GRIN2A: variants seen among roughly 807,000 people sequenced by gnomAD.
GRIN2A encodes glutamate ionotropic receptor NMDA type subunit 2A.
In GRIN2A, 22 loss-of-function variants were observed where a neutral mutation model predicts 113.4. That is an observed-to-expected ratio of 0.19 (90% confidence interval 0.14 to 0.28). The LOEUF (loss-of-function observed/expected upper bound fraction) is 0.28. Ranked by LOEUF, GRIN2A falls within the 10% of genes least tolerant of loss-of-function variation. The pLI is 1.00. For synonymous variants in GRIN2A, 827 were observed against 738.4 expected, an observed-to-expected ratio of 1.12 and a Z score of -1.94; for missense variants, 1,502 against 1,887.0, an observed-to-expected ratio of 0.80 and a Z score of 3.78.
Position 10,111,623 on chromosome 16 carries a change from C to T in GRIN2A, c.414+68375G>A, listed in dbSNP as rs149710311. The T allele has an allele frequency of 6.4e-4, 902 of 1,400,758 alleles. 6 individuals carry two copies. In the African/African-American group the frequency reaches 0.011, roughly 17 times the overall value. The allele number at this position is 1,400,758 out of a possible 1,614,324, so 86.8% of individuals were successfully genotyped here. ...GAGACAGAGGCCGACATGGCCATCG[C>T]GATGGCTCTGATGGGAGGTATTGGT... On this transcript the variant is annotated intron_variant, in intron 2 of 12. Transcript: ENST00000330684.
At chr16:10,125,818 T>C (rs145599758) in intron 2 of GRIN2A, among the ~76,000 whole-genome samples, 24 of 151,568 alleles carry the variant, frequency 1.6e-4, no homozygotes, top group African/African-American at 5.8e-4. Context: ...GAGCTGGGGG[T>C]AAAGGCTGGG....
At position 9,759,156 on chromosome 16, in the gene GRIN2A, C is replaced by A. The variant is rs1227318672; in HGVS notation, c.*3993G>T. On this transcript the variant is annotated 3_prime_UTR_variant, in exon 13 of 13. Transcript: ENST00000330684. Reference sequence around the variant, plus strand: ...GCTCCTCTGTAAGGTATTTAGAGTTCTCAAATTAGTGTTTATTTAGGTCTT... The same window carrying A: ...GCTCCTCTGTAAGGTATTTAGAGTTATCAAATTAGTGTTTATTTAGGTCTT... 1 of 217,224 alleles carries A rather than the reference C, an allele frequency of 4.6e-6. No individual in the cohort carries two copies. The highest frequency in any genetic ancestry group is 9.2e-6 in the Non-Finnish European group (1 of 108,136). 13.5% of individuals were successfully genotyped at this position (217,224 alleles called of 1,614,324 possible). A position where few individuals can be genotyped will look rare whatever the true frequency, so the allele number is the denominator to read the frequency against.
At chr16:9,870,261 A>G (rs1011937118) in intron 4 of GRIN2A, among the ~76,000 whole-genome samples, 1 of 152,234 alleles carries the variant, frequency 6.6e-6, no homozygotes, top group African/African-American at 2.4e-5. Context: ...TTAATTTCAT[A>G]ACTATAAATG....
chr16:9,946,826 A>G (rs148594546), intron 2 of GRIN2A, among the ~76,000 whole-genome samples: 1 of 152,356 alleles, frequency 6.6e-6, no homozygotes, highest in African/African-American at 2.4e-5. Context: ...CATCCTAAGA[A>G]GAAAGCTATC....
Position 9,823,132 on chromosome 16 carries a change from C to G in GRIN2A, c.2008-708G>C, listed in dbSNP as rs1436377822. Among the ~76,000 whole-genome samples the G allele has an allele frequency of 5.9e-5, 9 of 152,282 alleles. No homozygotes were observed. In the East Asian group the frequency reaches 9.7e-4, roughly 16 times the overall value. On this transcript the variant is annotated intron_variant, in intron 9 of 12. Transcript: ENST00000330684. ...AAGCCCCCCATAAAGGCCTGTAGTCCATGCATCACCAGTCTTCTCTGATGG... is the reference window on the plus strand; with the variant it reads ...AAGCCCCCCATAAAGGCCTGTAGTCGATGCATCACCAGTCTTCTCTGATGG...
At chr16:10,128,999 C>A (rs1039268997) in intron 2 of GRIN2A, among the ~76,000 whole-genome samples, 2 of 152,186 alleles carry the variant, frequency 1.3e-5, no homozygotes, top group African/African-American at 4.8e-5. Context: ...ATCCCCGTAA[C>A]CAATCTTTAT....
intron 2 of GRIN2A, among the ~76,000 whole-genome samples, chr16:10,166,664 A>G (rs1007970757): frequency 6.6e-6 from 1 of 152,208 alleles, no homozygotes; most frequent in African/African-American, 2.4e-5. Context: ...TGCATCCACA[A>G]AGCATTTTGG....
chr16:9,945,124 C>T (rs771106586), intron 2 of GRIN2A, among the ~76,000 whole-genome samples: 1 of 152,146 alleles, frequency 6.6e-6, no homozygotes, highest in Non-Finnish European at 1.5e-5. Context: ...AGTTTGAAAC[C>T]AGTCTGGCCA....
chr16:9,980,280 G>C (rs1352107387), intron 2 of GRIN2A, among the ~76,000 whole-genome samples: 2 of 149,104 alleles, frequency 1.3e-5, no homozygotes, highest in African/African-American at 5.0e-5. Context: ...AAAAAAAAAA[G>C]AGAGTGATAC....
chr16:10,155,310 C>T (rs960986152), intron 2 of GRIN2A, among the ~76,000 whole-genome samples: 39 of 152,082 alleles, frequency 2.6e-4, no homozygotes, highest in African/African-American at 8.5e-4. Flanking sequence ...TATTACCATC[C>T]CCCATCACAG....
chr16:9,967,517 C>T (rs1247930254), intron 2 of GRIN2A, among the ~76,000 whole-genome samples: 1 of 152,186 alleles, frequency 6.6e-6, no homozygotes, highest in Non-Finnish European at 1.5e-5. Flanking sequence ...ACCAGCCTGG[C>T]TAACGTGGCG....
At chr16:9,788,500 C>T (rs1167262336) in intron 11 of GRIN2A, among the ~76,000 whole-genome samples, 1 of 151,954 alleles carries the variant, frequency 6.6e-6, no homozygotes, top group Non-Finnish European at 1.5e-5. Context: ...TCGAGTGATT[C>T]ACCTACCTTG....
At chr16:10,080,559 A>T (rs1347144335) in intron 2 of GRIN2A, among the ~76,000 whole-genome samples, 2 of 152,196 alleles carry the variant, frequency 1.3e-5, no homozygotes, top group African/African-American at 4.8e-5. Flanking sequence ...GCCGAGCAAC[A>T]CGCCTGCCAC....
At chr16:9,768,346 C>G (rs1901047874) in intron 12 of GRIN2A, among the ~76,000 whole-genome samples, 1 of 152,062 alleles carries the variant, frequency 6.6e-6, no homozygotes, top group African/African-American at 2.4e-5. Flanking sequence ...GCCACCGTGC[C>G]CGGCCAAAAA....
chr16:10,138,367 T>A (rs2049247248), intron 2 of GRIN2A, among the ~76,000 whole-genome samples: 1 of 152,172 alleles, frequency 6.6e-6, no homozygotes. Context: ...TTGGCATGGC[T>A]GGGGAAGGAG....
intron 3 of GRIN2A, among the ~76,000 whole-genome samples, chr16:9,903,716 CCT>C (rs1290500466): frequency 6.6e-6 from 1 of 152,186 alleles, no homozygotes; most frequent in African/African-American, 2.4e-5. Flanking sequence ...ACTCTCAACC[CCT>C]GTTCTTCATG....
At chr16:9,810,373 A>G (rs1356853379) in intron 10 of GRIN2A, among the ~76,000 whole-genome samples, 1 of 152,200 alleles carries the variant, frequency 6.6e-6, no homozygotes, top group Admixed American at 6.5e-5. Flanking sequence ...GATGTTGGGA[A>G]AACCACACTA....
intron 2 of GRIN2A, among the ~76,000 whole-genome samples, chr16:10,148,888 T>A (rs1567333661): frequency 6.6e-6 from 1 of 152,052 alleles, no homozygotes; most frequent in African/African-American, 2.4e-5. Flanking sequence ...TAATCAGCCA[T>A]AAAAAGAATA....
chr16:10,059,978 G>A (rs1567269611), intron 2 of GRIN2A, among the ~76,000 whole-genome samples: 1 of 151,936 alleles, frequency 6.6e-6, no homozygotes, highest in East Asian at 1.9e-4. Flanking sequence ...GGAAAAGGGG[G>A]ATGCAGGAGA....
Sources: allele counts gnomAD v4.1 joint callset (sites outside exome capture counted in the v4.1 genomes callset), GRCh38; gene constraint gnomAD v4.1.1; transcripts MANE v1.5; gene names NCBI Gene and HGNC (gene_info 2026-07-23, HGNC 2026-07-21).